Variants in ZFAND4 observed in about 807,000 individuals in gnomAD.
ZFAND4 encodes the protein zinc finger AN1-type containing 4.
ZFAND4 carries 43 observed loss-of-function variants against 64.4 expected under a neutral mutation model. That is an observed-to-expected ratio of 0.67 (90% confidence interval 0.52 to 0.86). ZFAND4 has a LOEUF of 0.86. ZFAND4 is among the 40% of genes least tolerant of loss of function. The pLI is 0.00. For synonymous variants in ZFAND4, 296 were observed against 305.7 expected, an observed-to-expected ratio of 0.97 and a Z score of 0.33; for missense variants, 929 against 859.8, an observed-to-expected ratio of 1.08 and a Z score of -1.01.
intron 6 of ZFAND4, among the ~76,000 whole-genome samples, chr10:45,631,930 A>G (rs918386866): frequency 1.3e-5 from 2 of 152,258 alleles, no homozygotes; most frequent in African/African-American, 4.8e-5. Flanking sequence ...TGTTAAGTCT[A>G]AAGAAAAGGG....
chr10:45,661,706 C>T (rs1167376859), intron 2 of ZFAND4, among the ~76,000 whole-genome samples: 2 of 151,950 alleles, frequency 1.3e-5, no homozygotes, highest in East Asian at 1.9e-4. Flanking sequence ...TTTGGGAGGC[C>T]GAGGCAGGTG....
intron 6 of ZFAND4, among the ~76,000 whole-genome samples, chr10:45,635,214 C>CAAA (rs76130878): frequency 8.8e-5 from 6 of 68,272 alleles, no homozygotes; most frequent in Non-Finnish European, 1.2e-4. Context: ...AAAAAAAAAA[C>CAAA]AAAAAAAAAA....
rs377763230 is a variant in ZFAND4, at chr10:45,663,658, T to C, written c.68A>G (p.His23Arg). The C allele has an allele frequency of 5.6e-6, 9 of 1,611,224 alleles. No individual in the cohort carries two copies. Among genetic ancestry groups the C allele is most frequent in the Middle Eastern group, 1.7e-4 (1 of 6,056 alleles). The part of the protein sequence containing the change: ...DNMGPFYYRL[H>R]FCDTMELFIE... The stretch of plus-strand genomic sequence containing the variant: ...GAAGAGCTCCATGGTATCACAGAAA[T>C]GAAGTCTGTAGTAAAATGGTCCCAT... The change falls in exon 2 of 10, where the codon CAT (histidine) becomes CGT (arginine). Residue 23 changes from histidine to arginine, a missense_variant. By Grantham distance (29) the His-to-Arg change is conservative. Transcript: ENST00000344646.
rs376194748 is a variant in ZFAND4, at chr10:45,626,845, G to A, written c.978C>T (p.Asn326=). Residue 326 remains asparagine, a synonymous_variant, in exon 7 of 10, where the codon AAC becomes AAT. Transcript: ENST00000344646. ...FLKEDNSWEN[N]TLSHFSSNVK... ...CGTTGCTACTGAAGTGAGACAGTGT[G>A]TTATTCTCCCAGCTATTATCTTCCT... is the stretch of plus-strand genomic sequence containing the variant. The A allele has an allele frequency of 2.5e-5, 41 of 1,614,096 alleles. No individual in the cohort carries two copies. Among genetic ancestry groups the A allele is most frequent in the Middle Eastern group, 3.3e-4 (2 of 6,084 alleles).
At chr10:45,623,338 T>C (rs558571191) in intron 8 of ZFAND4, among the ~76,000 whole-genome samples, 1 of 152,370 alleles carries the variant, frequency 6.6e-6, no homozygotes, top group South Asian at 2.1e-4. Flanking sequence ...AGCACCATTA[T>C]TCACAATAGC....
rs1000422513 is a variant in ZFAND4 at position 45,639,916 on chromosome 10, T to C, written c.617A>G (p.Glu206Gly). The C allele has an allele frequency of 1.9e-6, 3 of 1,613,312 alleles. No homozygotes were observed. The highest frequency in any genetic ancestry group is 1.7e-5 in the Admixed American group (1 of 59,938). Residue 206 changes from glutamate (E) to glycine (G), a missense_variant, in exon 6 of 10, where the codon GAG becomes GGG. Coordinates refer to ENST00000344646, the MANE Select transcript of ZFAND4 (RefSeq NM_174890.4). ...NSDTDEDEET[E>G]PSSSGQQIIE... ...TATCTGTTGCCCAGAAGAAGAAGGCTCAGTTTCTTCATCCTCATCTGTATC... is the reference window on the plus strand; with the variant it reads ...TATCTGTTGCCCAGAAGAAGAAGGCCCAGTTTCTTCATCCTCATCTGTATC...
Position 45,626,531 on chromosome 10 carries a change from G to A in ZFAND4, c.1292C>T (p.Ala431Val). 1 of 1,614,040 alleles carries A rather than the reference G, an allele frequency of 6.2e-7. No individual in the cohort carries two copies. The highest frequency in any genetic ancestry group is 8.5e-7 in the Non-Finnish European group (1 of 1,180,040). Residue 431 changes from alanine to valine, a missense_variant, in exon 7 of 10, where the codon GCT becomes GTT. Coordinates refer to ENST00000344646, the MANE Select transcript of ZFAND4 (RefSeq NM_174890.4). ...KVNLELLLTN[A>V]DKGLKAPEQH... ...CTCTGGAGCTTTCAACCCTTTGTCA[G>A]CATTAGTGAGTAGCAACTCCAGATT...
intron 5 of ZFAND4, chr10:45,640,194 C>T: frequency 1.6e-6 from 2 of 1,245,348 alleles, no homozygotes; most frequent in Non-Finnish European, 2.0e-6. Context: ...TATAGCTGAG[C>T]TTCTCTGAAT....
intron 6 of ZFAND4, among the ~76,000 whole-genome samples, chr10:45,634,839 C>G (rs1412887362): frequency 6.6e-6 from 1 of 151,686 alleles, no homozygotes; most frequent in East Asian, 1.9e-4. Context: ...CATACAAAAC[C>G]CAGTAGCATT....
chr10:45,645,272 T>G (rs180778385), intron 5 of ZFAND4, among the ~76,000 whole-genome samples: 1 of 152,186 alleles, frequency 6.6e-6, no homozygotes, highest in African/African-American at 2.4e-5. Flanking sequence ...CCTTTAAACA[T>G]GTAAGGTCTT....
chr10:45,662,540 G>T, intron 2 of ZFAND4: 1 of 958,334 alleles, frequency 1.0e-6, no homozygotes, highest in Non-Finnish European at 1.2e-6. Flanking sequence ...TTGCAAAGCA[G>T]AACGAAGTCA....
At chr10:45,651,330 A>C (rs2047743340) in intron 4 of ZFAND4, 1 of 250,654 alleles carries the variant, frequency 4.0e-6, no homozygotes, top group Non-Finnish European at 8.1e-6. Flanking sequence ...TTTTCTGCAT[A>C]GCACTTACAA....
intron 6 of ZFAND4, among the ~76,000 whole-genome samples, chr10:45,638,491 A>C (rs1039609936): frequency 2.0e-5 from 3 of 151,734 alleles, no homozygotes; most frequent in Non-Finnish European, 4.4e-5. Flanking sequence ...AAAAAGAAAA[A>C]AAACAAAAAA....
At chr10:45,639,418 C>T (rs1469340608) in intron 6 of ZFAND4, among the ~76,000 whole-genome samples, 2 of 152,106 alleles carry the variant, frequency 1.3e-5, no homozygotes, top group African/African-American at 4.8e-5. Flanking sequence ...AAAATGGCAA[C>T]TCTCATTCAC....
rs571127906 is a variant in ZFAND4 at position 45,631,170 on chromosome 10, T to A, written c.718-4065A>T. Among the ~76,000 whole-genome samples the A allele has an allele frequency of 1.7e-3, 252 of 151,334 alleles. 1 individual carries two copies. Among genetic ancestry groups the A allele is most frequent in the African/African-American group, 5.7e-3 (236 of 41,276 alleles). On this transcript the variant is annotated intron_variant, in intron 6 of 9. Transcript: ENST00000344646. ...TGTCTCTACTAAAAATACAAAAAAT[T>A]AGCTGGGTGTGGTGACGGGCGCCTG...
intron 5 of ZFAND4, among the ~76,000 whole-genome samples, chr10:45,642,251 C>G (rs1166416042): frequency 6.6e-6 from 1 of 152,028 alleles, no homozygotes; most frequent in Non-Finnish European, 1.5e-5. Flanking sequence ...ATGAAAAGAC[C>G]TATTCTCTCA....
At chr10:45,655,650 T>C (rs1051928610) in intron 2 of ZFAND4, among the ~76,000 whole-genome samples, 5 of 151,888 alleles carry the variant, frequency 3.3e-5, no homozygotes, top group African/African-American at 1.2e-4. Context: ...AAAATGCAAA[T>C]AAACTCACTG....
intron 6 of ZFAND4, among the ~76,000 whole-genome samples, chr10:45,630,104 A>T (rs1181302790): frequency 1.3e-5 from 2 of 152,088 alleles, no homozygotes; most frequent in African/African-American, 4.8e-5. Context: ...ATCCATGTAA[A>T]GCTGCTATAA....
intron 2 of ZFAND4, among the ~76,000 whole-genome samples, chr10:45,661,785 G>A (rs777717389): frequency 6.6e-6 from 1 of 151,838 alleles, no homozygotes; most frequent in Non-Finnish European, 1.5e-5. Context: ...TACTAAAAGT[G>A]CAAAATCAGT....
Sources: allele counts gnomAD v4.1 joint callset (sites outside exome capture counted in the v4.1 genomes callset), GRCh38; gene constraint gnomAD v4.1.1; transcripts MANE v1.5; gene names NCBI Gene and HGNC (gene_info 2026-07-23, HGNC 2026-07-21).